Variants in KCNT1 observed in about 807,000 individuals in gnomAD.
KCNT1 encodes potassium sodium-activated channel subfamily T member 1.
Under a neutral mutation model 147.8 loss-of-function variants are expected in KCNT1, and 78 were observed. The observed-to-expected ratio is 0.53, with a 90% CI of 0.44 to 0.64. The LOEUF (loss-of-function observed/expected upper bound fraction) is 0.64, where lower values mean the gene tolerates loss of function less well. Ranked by LOEUF, KCNT1 falls within the 30% of genes least tolerant of loss-of-function variation. KCNT1 has a pLI of 0.00. For missense variants in KCNT1, 1,419 were observed against 1,750.3 expected (o/e 0.81, Z 3.38); for synonymous variants, 867 against 748.8 (o/e 1.16, Z -2.58).
intron 2 of KCNT1, among the ~76,000 whole-genome samples, chr9:135,738,855 G>T (rs1830446158): frequency 6.6e-6 from 1 of 152,168 alleles, no homozygotes; most frequent in African/African-American, 2.4e-5. Context: ...TGAGGCTGGG[G>T]AGGGATTGGG....
intron 29 of KCNT1, chr9:135,791,491 G>T (rs1834523773): frequency 2.4e-6 from 1 of 412,866 alleles, no homozygotes; most frequent in African/African-American, 2.0e-5. Context: ...GTGTGTGCAG[G>T]TGTGCTCAGT....
intron 29 of KCNT1, among the ~76,000 whole-genome samples, chr9:135,786,752 C>G (rs1016054618): frequency 6.6e-6 from 1 of 152,240 alleles, no homozygotes; most frequent in African/African-American, 2.4e-5. Context: ...GTGGCCATGG[C>G]CCACCCTGGT....
chr9:135,739,438 GC>G (rs1177732492), intron 2 of KCNT1, among the ~76,000 whole-genome samples: 1 of 151,254 alleles, frequency 6.6e-6, no homozygotes, highest in Non-Finnish European at 1.5e-5. Flanking sequence ...GGTCCCCTGA[GC>G]CCCCCGACCC....
rs1364101045 is a variant in KCNT1 at position 135,784,908 on chromosome 9, G to A, written c.3156+19G>A. On this transcript the variant is annotated intron_variant, in intron 27 of 30. Coordinates refer to ENST00000371757, the MANE Select transcript of KCNT1 (RefSeq NM_020822.3). ...CTCGGAGGTTCTGGGGCAGCCTGGG[G>A]GCTGGGACTGTGGCAGCCCCTGTCC... The A allele has an allele frequency of 1.2e-6, 2 of 1,610,208 alleles. No homozygotes were observed. The highest frequency in any genetic ancestry group is 1.1e-5 in the South Asian group (1 of 91,044).
chr9:135,757,269 G>C, intron 8 of KCNT1, 29 bp from the exon 9 acceptor site: 1 of 1,612,710 alleles, frequency 6.2e-7, no homozygotes, highest in Non-Finnish European at 8.5e-7. Flanking sequence ...GGGCCCTGGA[G>C]CCCCAGCCCT....
chr9:135,788,493 GTGACC>G (rs1834243848), intron 29 of KCNT1, among the ~76,000 whole-genome samples: 2 of 152,236 alleles, frequency 1.3e-5, no homozygotes, highest in Non-Finnish European at 2.9e-5. Context: ...GAGCTCTGAT[GTGACC>G]GGTGGGCCAC....
intron 4 of KCNT1, 62 bp downstream of exon 4, chr9:135,751,103 G>A: frequency 2.0e-6 from 3 of 1,482,382 alleles, no homozygotes; most frequent in Non-Finnish European, 2.8e-6. Context: ...TTCCCACTGG[G>A]CCGTTACAGA....
chr9:135,743,475 C>T (rs1158438540), intron 2 of KCNT1, among the ~76,000 whole-genome samples: 1 of 152,122 alleles, frequency 6.6e-6, no homozygotes, highest in Non-Finnish European at 1.5e-5. Flanking sequence ...AGGGGCTGCC[C>T]GGCACCCATG....
At chr9:135,785,248 G>A (rs941105563) in intron 27 of KCNT1, 62 bp from the exon 28 acceptor site, 2 of 1,602,814 alleles carry the variant, frequency 1.2e-6, no homozygotes, top group African/African-American at 2.7e-5. Flanking sequence ...ACCCCAGGCT[G>A]AGGCGGCGTG....
intron 18 of KCNT1, among the ~76,000 whole-genome samples, chr9:135,771,429 C>G (rs1343685320): frequency 6.6e-6 from 1 of 152,206 alleles, no homozygotes; most frequent in Admixed American, 6.5e-5. Flanking sequence ...AAACAGGTGT[C>G]CCCGCCTTCC....
chr9:135,765,944 T>G (rs1275784759), intron 13 of KCNT1, among the ~76,000 whole-genome samples, 184 bp downstream of exon 13: 1 of 151,174 alleles, frequency 6.6e-6, no homozygotes, highest in African/African-American at 2.4e-5. Flanking sequence ...GTGGACCATT[T>G]AGGGTGGATC....
chr9:135,743,104 A>G (rs774950332), intron 2 of KCNT1, among the ~76,000 whole-genome samples: 1 of 152,038 alleles, frequency 6.6e-6, no homozygotes, highest in Non-Finnish European at 1.5e-5. Flanking sequence ...GGCCCTTGTC[A>G]TGGTGCCTCC....
intron 2 of KCNT1, among the ~76,000 whole-genome samples, chr9:135,717,045 T>C (rs1222783834): frequency 6.8e-6 from 1 of 148,084 alleles, no homozygotes; most frequent in African/African-American, 2.5e-5. Flanking sequence ...GCCCCTGTGG[T>C]GTTGGTGTCT....
chr9:135,766,280 A>G (rs1832274608), intron 13 of KCNT1, among the ~76,000 whole-genome samples: 2 of 119,410 alleles, frequency 1.7e-5, no homozygotes, highest in African/African-American at 3.2e-5. Context: ...TGGACCATCT[A>G]GGGTAGACTG....
rs781234132 is a variant in KCNT1, at chr9:135,759,628, G to A, written c.855-51G>A. The A allele has an allele frequency of 1.6e-4, 240 of 1,538,098 alleles. 1 individual carries two copies. The highest frequency in any genetic ancestry group is 5.1e-5 in the Non-Finnish European group (58 of 1,142,248). On this transcript the variant is annotated intron_variant, in intron 10 of 30. Transcript: ENST00000371757. ...GCAGGCAGGATCTCTGAGGGGCCAC[G>A]GCCCCCCAGCTCCTGGGCCCCAGGC...
intron 2 of KCNT1, among the ~76,000 whole-genome samples, chr9:135,731,914 T>G (rs967337172): frequency 6.8e-6 from 1 of 147,514 alleles, no homozygotes; most frequent in East Asian, 2.0e-4. Flanking sequence ...GCACAGTTCT[T>G]TCTTTGCTTC....
chr9:135,776,122 G>A (rs1430897258), intron 20 of KCNT1, among the ~76,000 whole-genome samples: 2 of 152,040 alleles, frequency 1.3e-5, no homozygotes, highest in African/African-American at 2.4e-5. Flanking sequence ...GGGTCAGTAG[G>A]GTTTCCCCAC....
chr9:135,778,577 C>T (rs1265440439), intron 22 of KCNT1, 82 bp downstream of exon 22: 39 of 1,598,704 alleles, frequency 2.4e-5, no homozygotes, highest in East Asian at 1.1e-4. Flanking sequence ...TGACCCCGAC[C>T]GCAGGTGGGG....
chr9:135,755,199 C>A (rs1434856019), intron 6 of KCNT1, 30 bp downstream of exon 6: 3 of 1,589,590 alleles, frequency 1.9e-6, no homozygotes, highest in South Asian at 1.1e-5. Context: ...CCCCTCCCGA[C>A]TGCAGTGGTG....
Sources: allele counts gnomAD v4.1 joint callset (sites outside exome capture counted in the v4.1 genomes callset), GRCh38; gene constraint gnomAD v4.1.1; transcripts MANE v1.5; gene names NCBI Gene and HGNC (gene_info 2026-07-23, HGNC 2026-07-21).